The following ST7 variants were observed in gnomAD, a reference collection of about 807,000 sequenced individuals.
The protein encoded by ST7 is suppressor of tumorigenicity 7 protein.
In ST7, 28 loss-of-function variants were observed where a neutral mutation model predicts 78.7. That is an observed-to-expected ratio of 0.36 (90% CI 0.26 to 0.49). The LOEUF (loss-of-function observed/expected upper bound fraction) is 0.49, where lower values mean the gene tolerates loss of function less well. Ranked by LOEUF, ST7 falls within the 20% of genes least tolerant of loss-of-function variation. The pLI is 0.99. For synonymous variants in ST7, 247 were observed against 249.6 expected (o/e 0.99, Z 0.10); for missense variants, 418 against 696.0 (o/e 0.60, Z 4.49).
At chr7:117,032,478 A>T (rs1307748451) in intron 1 of ST7, among the ~76,000 whole-genome samples, 1 of 152,040 alleles carries the variant, frequency 6.6e-6, no homozygotes, top group East Asian at 1.9e-4. Flanking sequence ...CCTTTTTGAG[A>T]CTCTAATAAA....
At position 117,215,536 on chromosome 7, in the gene ST7, T is replaced by C. The variant is rs188339035; in HGVS notation, c.1406-3548T>C. Among the ~76,000 whole-genome samples, 616 of 152,328 alleles carry C rather than the reference T, an allele frequency of 4.0e-3. 6 individuals are homozygous for C. Among genetic ancestry groups the C allele is most frequent in the African/African-American group, 0.014 (583 of 41,582 alleles). ...CCTCTGCTGTTACACTTAGTTCCTT[T>C]ACCAGCCTTTTGAGGCCTGTGGTAT... On this transcript the variant is annotated intron_variant, in intron 13 of 15. Transcript: ENST00000323984.
At chr7:117,135,815 T>G (rs1584439524) in intron 7 of ST7, among the ~76,000 whole-genome samples, 1 of 152,084 alleles carries the variant, frequency 6.6e-6, no homozygotes, top group East Asian at 1.9e-4. Flanking sequence ...AGTAAGAACT[T>G]GCCCAAAGTG....
At chr7:117,010,113 A>G (rs183945697) in intron 1 of ST7, among the ~76,000 whole-genome samples, 35 of 152,340 alleles carry the variant, frequency 2.3e-4, no homozygotes, top group East Asian at 1.2e-3. Flanking sequence ...GTAACTGACA[A>G]TTTCTCAGAA....
At chr7:117,108,557 T>C (rs967015042) in intron 2 of ST7, among the ~76,000 whole-genome samples, 5 of 152,240 alleles carry the variant, frequency 3.3e-5, no homozygotes, top group African/African-American at 4.8e-5. Flanking sequence ...TGCTTAGTTT[T>C]GCTTTGGCTA....
intron 1 of ST7, chr7:116,972,877 C>T: frequency 2.3e-6 from 3 of 1,300,630 alleles, no homozygotes; most frequent in Admixed American, 1.7e-5. Context: ...CTGGATATTG[C>T]CCTTAACCGC....
At chr7:117,013,045 A>AT (rs1795450340) in intron 1 of ST7, among the ~76,000 whole-genome samples, 1 of 152,250 alleles carries the variant, frequency 6.6e-6, no homozygotes. Flanking sequence ...CAGCATAAAA[A>AT]TAAAAAGTCT....
At chr7:117,227,319 A>G (rs1475569246) in intron 15 of ST7, among the ~76,000 whole-genome samples, 2 of 152,160 alleles carry the variant, frequency 1.3e-5, no homozygotes, top group Admixed American at 1.3e-4. Flanking sequence ...CCACTCAACC[A>G]CAACTTCAAC....
At chr7:117,198,698 C>T (rs1810535974) in intron 12 of ST7, among the ~76,000 whole-genome samples, 1 of 151,390 alleles carries the variant, frequency 6.6e-6, no homozygotes, top group Admixed American at 6.5e-5. Flanking sequence ...CTTGCCCATA[C>T]GCAGGCCCCT....
chr7:117,090,410 A>G (rs1224182162), intron 1 of ST7, among the ~76,000 whole-genome samples: 1 of 152,200 alleles, frequency 6.6e-6, no homozygotes, highest in East Asian at 1.9e-4. Flanking sequence ...GTAGTCATTT[A>G]GCGTTTATCA....
chr7:117,206,627 G>A (rs1584602212), intron 12 of ST7, among the ~76,000 whole-genome samples: 2 of 152,192 alleles, frequency 1.3e-5, no homozygotes, highest in South Asian at 4.1e-4. Context: ...ACACACATAT[G>A]TACTACTGTT....
At chr7:117,154,885 G>A (rs773671062) in intron 9 of ST7, among the ~76,000 whole-genome samples, 4 of 152,076 alleles carry the variant, frequency 2.6e-5, no homozygotes, top group Non-Finnish European at 5.9e-5. Flanking sequence ...GTGATGGGCC[G>A]TGGGCTCTAG....
At chr7:116,980,139 A>C (rs889328783) in intron 1 of ST7, among the ~76,000 whole-genome samples, 4 of 151,458 alleles carry the variant, frequency 2.6e-5, no homozygotes, top group African/African-American at 9.7e-5. Context: ...TTGCATTTTT[A>C]GTAGAGACGG....
intron 1 of ST7, among the ~76,000 whole-genome samples, chr7:117,086,895 C>T (rs1277109170): frequency 6.6e-6 from 1 of 152,148 alleles, no homozygotes; most frequent in Non-Finnish European, 1.5e-5. Context: ...ATAATAAAGC[C>T]AAGGGCTTAT....
intron 9 of ST7, among the ~76,000 whole-genome samples, chr7:117,140,318 G>T (rs967131763): frequency 1.3e-5 from 2 of 152,098 alleles, no homozygotes; most frequent in Admixed American, 1.3e-4. Context: ...CCTGGATGTG[G>T]ATCTCAGCTT....
intron 1 of ST7, among the ~76,000 whole-genome samples, chr7:117,098,332 C>T (rs1170026231): frequency 6.6e-6 from 1 of 151,840 alleles, no homozygotes; most frequent in African/African-American, 2.4e-5. Flanking sequence ...AGATTGTCCT[C>T]CCATCCCTCC....
At chr7:117,180,160 T>A (rs1204247116) in intron 10 of ST7, among the ~76,000 whole-genome samples, 1 of 152,188 alleles carries the variant, frequency 6.6e-6, no homozygotes, top group African/African-American at 2.4e-5. Context: ...AACTGAACCC[T>A]ATGTAGACCC....
In ST7 at chr7:117,164,657, A is replaced by G. The variant is rs1309623583; in HGVS notation, c.964-6205A>G. ...CAGCTATCTTCTTAAATTCATGTAA[A>G]CACAATACAAAGATGATACAATAGC... is the stretch of plus-strand genomic sequence containing the variant. On this transcript the variant is annotated intron_variant, in intron 9 of 15. Transcript: ENST00000323984. Among the ~76,000 whole-genome samples the G allele has an allele frequency of 1.3e-5, 2 of 152,210 alleles. 1 individual carries two copies. The highest frequency in any genetic ancestry group is 2.9e-5 in the Non-Finnish European group (2 of 68,032).
chr7:117,143,921 A>G (rs1805536130), intron 9 of ST7, among the ~76,000 whole-genome samples: 1 of 152,200 alleles, frequency 6.6e-6, no homozygotes, highest in Non-Finnish European at 1.5e-5. Context: ...AATATAGACT[A>G]ATAGTTCTCA....
chr7:117,112,119 T>TATATATATATATATATATAA (rs1563090258), intron 2 of ST7, among the ~76,000 whole-genome samples: 89 of 152,154 alleles, frequency 5.8e-4, no homozygotes, highest in African/African-American at 2.1e-3. Flanking sequence ...TATATATATA[T>TATATATATATATATATATAA]ATAACAGAGG....
Sources: gnomAD v4.1 joint callset for allele counts (sites outside exome capture counted in the v4.1 genomes callset) on GRCh38, gnomAD v4.1.1 for gene constraint, MANE v1.5 for transcripts, NCBI Gene and HGNC (gene_info 2026-07-23, HGNC 2026-07-21) for gene names.